Variants in NGLY1 observed in about 807,000 individuals in gnomAD.
NGLY1 encodes the protein peptide-N(4)-(N-acetyl-beta-glucosaminyl)asparagine amidase.
Under a neutral mutation model 84.6 loss-of-function variants are expected in NGLY1, and 68 were observed. The ratio of observed to expected loss-of-function variants is 0.80; its 90% CI spans 0.66 to 0.98. The LOEUF is 0.98. Among genes scored for constraint, NGLY1 ranks in the 50% least tolerant of loss-of-function variants. NGLY1 has a pLI of 0.00. For missense variants in NGLY1, 779 were observed against 770.2 expected (o/e 1.01, Z -0.14); for synonymous variants, 280 against 275.2 (o/e 1.02, Z -0.17).
At chr3:25,781,010 G>A (rs759921628) in intron 1 of NGLY1, among the ~76,000 whole-genome samples, 14 of 151,058 alleles carry the variant, frequency 9.3e-5, no homozygotes, top group Admixed American at 4.0e-4. Context: ...GTCTCACTTC[G>A]CCATCAAAGC....
In NGLY1 at chr3:25,720,060, T is replaced by C. The variant is rs766286658; in HGVS notation, c.1743A>G (p.Val581=). 27 of 1,613,912 alleles carry C rather than the reference T, an allele frequency of 1.7e-5. No individual in the cohort carries two copies. The highest frequency in any genetic ancestry group is 1.7e-4 in the Middle Eastern group (1 of 6,060). ...TSSQTFQTGT[V]EWKLRSDTAQ... is the part of the protein sequence containing the mutation. ...CTGTATCAGATCGCAATTTCCATTC[T>C]ACTGTTCCAGTCTGAAAAGTTTGAC... The change falls in exon 11 of 12, where the codon GTA becomes GTG. Residue 581 remains valine, a synonymous_variant. Coordinates refer to ENST00000280700, the MANE Select transcript of NGLY1 (RefSeq NM_018297.4).
At chr3:25,739,513 TA>T in intron 5 of NGLY1, 63 bp downstream of exon 5, 2 of 1,462,328 alleles carry the variant, frequency 1.4e-6, no homozygotes, top group Non-Finnish European at 1.9e-6. Context: ...GTTCATTTAG[TA>T]AAAACTCTCT....
intron 2 of NGLY1, among the ~76,000 whole-genome samples, chr3:25,774,401 A>C (rs1708052739): frequency 6.6e-6 from 1 of 152,104 alleles, no homozygotes; most frequent in Admixed American, 6.6e-5. Flanking sequence ...TCTCAGAAAG[A>C]CCATCAGGTG....
chr3:25,732,567 T>C, intron 8 of NGLY1, 84 bp from the exon 9 acceptor site: 1 of 956,928 alleles, frequency 1.0e-6, no homozygotes, highest in Non-Finnish European at 1.5e-6. Flanking sequence ...CTTAAAACAC[T>C]TGCATTTTAA....
At chr3:25,754,820 G>C (rs1706951830) in intron 3 of NGLY1, 1 of 505,484 alleles carries the variant, frequency 2.0e-6, no homozygotes, top group African/African-American at 2.0e-5. Flanking sequence ...CGAGCAACTG[G>C]GTCAGCACTT....
At chr3:25,734,095 C>T in intron 7 of NGLY1, 113 bp from the exon 8 acceptor site, 2 of 1,433,724 alleles carry the variant, frequency 1.4e-6, no homozygotes, top group Middle Eastern at 1.9e-4. Context: ...GAGACGAAGT[C>T]TCGCTCTGTT....
chr3:25,748,672 T>A (rs4417832), intron 4 of NGLY1, among the ~76,000 whole-genome samples: 1 of 151,990 alleles, frequency 6.6e-6, no homozygotes, highest in Non-Finnish European at 1.5e-5. Flanking sequence ...ACAAAGACAG[T>A]TGACTCCAAA....
At chr3:25,764,340 G>T in intron 2 of NGLY1, 29 bp from the exon 3 acceptor site, 2 of 1,600,162 alleles carry the variant, frequency 1.2e-6, no homozygotes, top group South Asian at 2.3e-5. Context: ...AAAAAAATGT[G>T]AACCTTTGCT....
At chr3:25,721,955 C>T (rs547285718) in intron 10 of NGLY1, among the ~76,000 whole-genome samples, 2 of 151,816 alleles carry the variant, frequency 1.3e-5, no homozygotes, top group South Asian at 4.2e-4. Context: ...CAGTCATTCA[C>T]ACCGGTAATC....
intron 3 of NGLY1, among the ~76,000 whole-genome samples, chr3:25,752,661 T>A (rs1048286395): frequency 4.0e-5 from 6 of 148,456 alleles, no homozygotes; most frequent in African/African-American, 1.0e-4. Context: ...AAAAAAAAAA[T>A]TAAGTAGTCA....
rs903771343 is a variant in NGLY1, at chr3:25,719,629, C to T, written c.1796G>A (p.Ser599Asn). The change falls in exon 12 of 12, where the codon AGT (serine) becomes AAT (asparagine). Residue 599 changes from serine to asparagine, a missense_variant. By Grantham distance (46) the Ser-to-Asn change is conservative. Coordinates refer to ENST00000280700, the MANE Select transcript of NGLY1 (RefSeq NM_018297.4). ...AGAAAAATCAGCATAGGAGTGAAGA[C>T]TGTTATCTGTTAGAGGGAAAAAAAA... ...TAQVELTGDN[S>N]LHSYADFSGA... 6.2e-6 allele frequency: 10 copies of T among 1,610,660 alleles called. No individual in the cohort carries two copies. The Admixed American group carries it at 8.4e-5, about 13-fold the overall frequency.
chr3:25,778,952 T>TGA (rs1423070280), intron 1 of NGLY1, among the ~76,000 whole-genome samples: 1 of 78,506 alleles, frequency 1.3e-5, no homozygotes, highest in East Asian at 5.6e-4. Context: ...TTTTTTTTTT[T>TGA]GAGAGAGGGG....
At chr3:25,777,213 T>G in intron 2 of NGLY1, among the ~76,000 whole-genome samples, 1 of 152,130 alleles carries the variant, frequency 6.6e-6, no homozygotes, top group East Asian at 1.9e-4. Flanking sequence ...CTGACCAACA[T>G]GGAGAAATCC....
chr3:25,770,818 T>A (rs1272494603), intron 2 of NGLY1, among the ~76,000 whole-genome samples: 2 of 152,216 alleles, frequency 1.3e-5, no homozygotes, highest in African/African-American at 4.8e-5. Context: ...ATGTTGAACA[T>A]TTTTTCATGT....
At chr3:25,739,870 C>T in intron 4 of NGLY1, 71 bp from the exon 5 acceptor site, 1 of 1,135,408 alleles carries the variant, frequency 8.8e-7, no homozygotes, top group Non-Finnish European at 1.3e-6. Flanking sequence ...CATATTTATT[C>T]TCAAATACGA....
Position 25,783,196 on chromosome 3 carries a change from G to T in NGLY1, c.131+64C>A. On this transcript the variant is annotated intron_variant, in intron 1 of 11. Transcript: ENST00000280700. This position sits in a 1 kb window ranked among gnomAD's most constrained non-coding sequence, Gnocchi z 4.5. ...GCTCAGGCCGGACGCCCCAGTCCCT[G>T]GCCGAACAAGGTGCCGCGGCCCACC... 2 of 1,489,882 alleles carry T rather than the reference G, an allele frequency of 1.3e-6. No homozygotes were observed. Among genetic ancestry groups the T allele is most frequent in the Admixed American group, 3.4e-5 (2 of 58,008 alleles). 92.3% of individuals were successfully genotyped at this position (1,489,882 alleles called of 1,614,324 possible). A position where few individuals can be genotyped will look rare whatever the true frequency, so the allele number is the denominator to read the frequency against.
chr3:25,782,562 T>C (rs1708467388), intron 1 of NGLY1, among the ~76,000 whole-genome samples: 1 of 152,182 alleles, frequency 6.6e-6, no homozygotes, highest in Admixed American at 6.5e-5. Flanking sequence ...GCAATTTTGC[T>C]GACAGGAGAA....
At chr3:25,790,037 A>G (rs1708692236) in exon 1 of NGLY1, 1 of 780,236 alleles carries the variant, frequency 1.3e-6, no homozygotes, top group African/African-American at 1.7e-5. Context: ...TGCGTGGGAA[A>G]GCGCATGAGC....
intron 2 of NGLY1, among the ~76,000 whole-genome samples, chr3:25,773,521 C>T (rs1370393984): frequency 6.6e-6 from 1 of 151,774 alleles, no homozygotes; most frequent in Non-Finnish European, 1.5e-5. Flanking sequence ...GATTTTTTTT[C>T]ATCCATATCC....
Sources: gnomAD v4.1 joint callset for allele counts (sites outside exome capture counted in the v4.1 genomes callset) on GRCh38, gnomAD v4.1.1 for gene constraint, Gnocchi (gnomAD v3.1) non-coding constraint, MANE v1.5 for transcripts, NCBI Gene and HGNC (gene_info 2026-07-23, HGNC 2026-07-21) for gene names.